Variants in CRACDL observed in about 807,000 individuals in gnomAD.
CRACDL encodes CRACD-like protein.
Under a neutral mutation model 70.6 loss-of-function variants are expected in CRACDL, and 26 were observed. The observed-to-expected ratio is 0.37, with a 90% CI of 0.27 to 0.51. The LOEUF (loss-of-function observed/expected upper bound fraction) is 0.51. Ranked by LOEUF, CRACDL falls within the 20% of genes least tolerant of loss-of-function variation. The probability of loss-of-function intolerance (pLI) is 0.94; values close to 1 mark genes in which losing one functional copy is unlikely to be tolerated. For missense variants in CRACDL, 1,283 were observed against 1,376.9 expected, an observed-to-expected ratio of 0.93 and a Z score of 1.08; for synonymous variants, 618 against 615.2, an observed-to-expected ratio of 1.00 and a Z score of -0.07.
intron 1 of CRACDL, among the ~76,000 whole-genome samples, chr2:98,854,899 C>T (rs558917032): frequency 1.1e-4 from 17 of 152,294 alleles, no homozygotes; most frequent in African/African-American, 3.6e-4. Context: ...ATTACTGGGA[C>T]AAATGACAAA....
chr2:98,798,913 A>G (rs1703954745), intron 7 of CRACDL, among the ~76,000 whole-genome samples: 2 of 152,034 alleles, frequency 1.3e-5, no homozygotes, highest in Non-Finnish European at 2.9e-5. Context: ...CGAACTCCTG[A>G]GCTCAAACAA....
intron 1 of CRACDL, among the ~76,000 whole-genome samples, chr2:98,864,917 A>T (rs1215696726): frequency 6.6e-6 from 1 of 152,228 alleles, no homozygotes; most frequent in Non-Finnish European, 1.5e-5. Context: ...CGGAAAAAGG[A>T]TGAAATAAAG....
intron 1 of CRACDL, among the ~76,000 whole-genome samples, chr2:98,866,472 CTTCTTTTTTTTTT>C (rs1707147958): frequency 1.9e-5 from 2 of 107,812 alleles, no homozygotes; most frequent in Non-Finnish European, 1.8e-5. Flanking sequence ...ACAATCACTT[CTTCTTTTTTTTTT>C]TTTTTTTTTT....
At chr2:98,921,011 G>T (rs1708788888) in intron 1 of CRACDL, among the ~76,000 whole-genome samples, 1 of 152,202 alleles carries the variant, frequency 6.6e-6, no homozygotes, top group South Asian at 2.1e-4. Context: ...TTATGCTTCT[G>T]CAGAGTGGAT....
At chr2:98,795,077 A>ATATATATATATATATATTTTTTT in intron 9 of CRACDL, among the ~76,000 whole-genome samples, 5 of 58,502 alleles carry the variant, frequency 8.5e-5, no homozygotes, top group Non-Finnish European at 1.2e-4. Context: ...ATATATATAT[A>ATATATATATATATATATTTTTTT]TTTTTTTTTT....
chr2:98,838,757 G>T (rs1210961446), intron 2 of CRACDL, among the ~76,000 whole-genome samples: 1 of 152,184 alleles, frequency 6.6e-6, no homozygotes, highest in Non-Finnish European at 1.5e-5. Context: ...AACCTCATGG[G>T]CAAGAAGGTG....
chr2:98,848,711 C>A (rs1013180119), intron 1 of CRACDL, among the ~76,000 whole-genome samples: 1 of 152,148 alleles, frequency 6.6e-6, no homozygotes, highest in Admixed American at 6.5e-5. Flanking sequence ...AGCCCCCCCA[C>A]AAATAGCTGG....
At chr2:98,923,263 A>ACT (rs1708845056) in intron 1 of CRACDL, among the ~76,000 whole-genome samples, 1 of 149,358 alleles carries the variant, frequency 6.7e-6, no homozygotes, top group African/African-American at 2.5e-5. Context: ...AGAGTGAGAC[A>ACT]CTGTCTCAAA....
intron 1 of CRACDL, among the ~76,000 whole-genome samples, chr2:98,904,581 G>A (rs766108872): frequency 6.6e-6 from 1 of 152,180 alleles, no homozygotes; most frequent in Non-Finnish European, 1.5e-5. Context: ...AGCCTTCCAG[G>A]TGACAATGGA....
chr2:98,912,304 G>T (rs563014138), intron 1 of CRACDL, among the ~76,000 whole-genome samples: 1 of 152,358 alleles, frequency 6.6e-6, no homozygotes, highest in African/African-American at 2.4e-5. Flanking sequence ...GTCTGGTACT[G>T]GCTCTGCCTG....
In CRACDL at chr2:98,936,149, G is replaced by C. The variant is rs556417975; in HGVS notation, c.-222C>G. The C allele has an allele frequency of 9.3e-5, 14 of 151,188 alleles. No individual in the cohort carries two copies. Among genetic ancestry groups the C allele is most frequent in the African/African-American group, 3.1e-4 (13 of 41,346 alleles). 9.4% of individuals were successfully genotyped at this position (151,188 alleles called of 1,614,324 possible). ...GCGCTGACACTACCCTCCCGCGGCC[G>C]GCCCGGCCCTGCGCCCGGCGCGCTC... On this transcript the variant is annotated 5_prime_UTR_variant, in exon 1 of 10. Transcript: ENST00000397899.
intron 1 of CRACDL, among the ~76,000 whole-genome samples, chr2:98,877,363 C>A (rs1707512240): frequency 2.0e-5 from 3 of 152,236 alleles, no homozygotes; most frequent in Non-Finnish European, 4.4e-5. Context: ...GAAAAGCATA[C>A]ATGACAGTGA....
intron 1 of CRACDL, among the ~76,000 whole-genome samples, chr2:98,890,081 A>G (rs1056355898): frequency 5.3e-5 from 8 of 152,208 alleles, no homozygotes; most frequent in African/African-American, 1.9e-4. Flanking sequence ...TCAATTACCT[A>G]AACTTCCACT....
chr2:98,795,068 T>A (rs1559194932), intron 9 of CRACDL, among the ~76,000 whole-genome samples: 3 of 64,226 alleles, frequency 4.7e-5, no homozygotes, highest in African/African-American at 1.7e-4. Context: ...TATATATATA[T>A]ATATATATAT....
At chr2:98,838,362 C>T (rs1248610995) in intron 2 of CRACDL, 75 bp from the exon 3 acceptor site, 8 of 790,960 alleles carry the variant, frequency 1.0e-5, no homozygotes, top group African/African-American at 1.8e-5. Flanking sequence ...GCAACAGGCA[C>T]GTAAAAGAGA....
intron 7 of CRACDL, among the ~76,000 whole-genome samples, chr2:98,800,314 G>C (rs1704020551): frequency 6.6e-6 from 1 of 152,178 alleles, no homozygotes; most frequent in Admixed American, 6.5e-5. Context: ...TTGGGATCTG[G>C]AGAACAATCT....
rs558658530 is a variant in CRACDL at position 98,911,016 on chromosome 2, C to T, written c.-11+24922G>A. Among the ~76,000 whole-genome samples, 259 of 152,270 alleles carry T rather than the reference C, an allele frequency of 1.7e-3. 1 individual carries two copies. Among genetic ancestry groups the T allele is most frequent in the African/African-American group, 6.0e-3 (251 of 41,550 alleles). On this transcript the variant is annotated intron_variant, in intron 1 of 9. Coordinates refer to ENST00000397899, the MANE Select transcript of CRACDL (RefSeq NM_207362.3). ...AGACACCTTTATTTTTAAAGGGAGG[C>T]TGAGAAGTTGTCAGCAGCACATCCT...
At chr2:98,807,778 TGA>T (rs1236038584) in intron 7 of CRACDL, among the ~76,000 whole-genome samples, 2 of 152,236 alleles carry the variant, frequency 1.3e-5, no homozygotes, top group South Asian at 4.1e-4. Flanking sequence ...ACCCATTTAC[TGA>T]GAGGGTAAAT....
intron 9 of CRACDL, among the ~76,000 whole-genome samples, chr2:98,795,077 A>ATATATATATATATATTTTT: frequency 1.7e-5 from 1 of 58,492 alleles, no homozygotes; most frequent in Non-Finnish European, 3.1e-5. Flanking sequence ...ATATATATAT[A>ATATATATATATATATTTTT]TTTTTTTTTT....
Sources: gnomAD v4.1 joint callset for allele counts (sites outside exome capture counted in the v4.1 genomes callset) on GRCh38, gnomAD v4.1.1 for gene constraint, MANE v1.5 for transcripts, NCBI Gene and HGNC (gene_info 2026-07-23, HGNC 2026-07-21) for gene names.